MFAP3L: variants seen among roughly 807,000 people sequenced by gnomAD.
MFAP3L encodes the protein microfibrillar-associated protein 3-like.
A neutral mutation model predicts 20.0 loss-of-function variants in MFAP3L; 5 were observed. That is an observed-to-expected ratio of 0.25 (90% CI 0.13 to 0.53). The LOEUF (loss-of-function observed/expected upper bound fraction) is 0.53, where lower values mean the gene tolerates loss of function less well. Ranked by LOEUF, MFAP3L falls within the 20% of genes least tolerant of loss-of-function variation. MFAP3L has a pLI of 0.96. For synonymous variants in MFAP3L, 219 were observed against 213.0 expected (o/e 1.03, Z -0.25); for missense variants, 409 against 527.5 (o/e 0.78, Z 2.20).
At chr4:170,024,949 A>G (rs990157958) in intron 1 of MFAP3L, among the ~76,000 whole-genome samples, 1 of 152,264 alleles carries the variant, frequency 6.6e-6, no homozygotes, top group Non-Finnish European at 1.5e-5. Flanking sequence ...AATAAGCTTA[A>G]TGAATAAAAC....
At chr4:170,026,396 G>T, upstream of MFAP3L, 2 of 631,162 alleles carry the variant, frequency 3.2e-6, no homozygotes, top group Non-Finnish European at 3.9e-6. Context: ...GCCGCCGGCT[G>T]CCGGGAGCGC....
At chr4:169,996,538 C>A (rs1738181639) in intron 2 of MFAP3L, among the ~76,000 whole-genome samples, 1 of 151,922 alleles carries the variant, frequency 6.6e-6, no homozygotes, top group Non-Finnish European at 1.5e-5. Context: ...CAAGGGCTTC[C>A]TAGAGGAGGC....
intron 1 of MFAP3L, among the ~76,000 whole-genome samples, chr4:170,009,305 C>T (rs1739231215): frequency 6.6e-6 from 1 of 151,514 alleles, no homozygotes; most frequent in Non-Finnish European, 1.5e-5. Context: ...ATCACTTGAA[C>T]CCAGGAGGCG....
chr4:169,993,978 A>G (rs1262127149), intron 2 of MFAP3L, among the ~76,000 whole-genome samples: 2 of 152,134 alleles, frequency 1.3e-5, no homozygotes, highest in Admixed American at 6.5e-5. Flanking sequence ...ATAAATTTTG[A>G]TATTTCAGCT....
At chr4:169,997,548 CTA>C (rs1185642472) in intron 2 of MFAP3L, among the ~76,000 whole-genome samples, 3 of 152,164 alleles carry the variant, frequency 2.0e-5, no homozygotes, top group Non-Finnish European at 4.4e-5. Context: ...TGAATGGTGT[CTA>C]TGTGTAGAAA....
At position 169,991,457 on chromosome 4, in the gene MFAP3L, G is replaced by A. The variant is rs767944252; in HGVS notation, c.1151C>T (p.Pro384Leu). The A allele has an allele frequency of 4.6e-5, 74 of 1,613,950 alleles. 2 individuals are homozygous for A. The South Asian group carries it at 6.6e-4, about 14-fold the overall frequency. Residue 384 changes from proline (P) to leucine (L), a missense_variant, in exon 3 of 3, where the codon CCG becomes CTG. By Grantham distance (98) the Pro-to-Leu change is moderately conservative. Around this residue, in one of 3 missense-constraint regions of MFAP3L, gnomAD observed 169 missense variants for 178.2 expected, o/e 0.95. Coordinates refer to ENST00000361618, the MANE Select transcript of MFAP3L (RefSeq NM_021647.8). The surrounding 1 kb of genome is among the most constrained non-coding windows in gnomAD (Gnocchi z 4.9). ...CTCTGTGGCTTCCAGGTAAGCTGGC[G>A]GCAGTACCTTATCTGGTACCTCAAC... The part of the protein sequence containing the change: ...TPVEVPDKVL[P>L]PAYLEATEPA...
At chr4:170,002,236 G>C in intron 2 of MFAP3L, 1 of 985,358 alleles carries the variant, frequency 1.0e-6, no homozygotes, top group Non-Finnish European at 1.2e-6. Flanking sequence ...CCTAAAGGAT[G>C]ATGTGGTGGG....
At chr4:170,005,299 A>T in intron 2 of MFAP3L, 1 of 442,370 alleles carries the variant, frequency 2.3e-6, no homozygotes, top group Non-Finnish European at 4.0e-6. Context: ...TCCATTTTAC[A>T]TTTGTCTCTA....
intron 2 of MFAP3L, among the ~76,000 whole-genome samples, chr4:170,001,532 T>C (rs895599539): frequency 7.2e-5 from 11 of 152,204 alleles, no homozygotes; most frequent in African/African-American, 2.7e-4. Flanking sequence ...CTGACTTTCT[T>C]GAAATCCTCG....
chr4:170,011,880 G>A (rs1006016623), intron 1 of MFAP3L, among the ~76,000 whole-genome samples: 19 of 152,148 alleles, frequency 1.2e-4, no homozygotes, highest in African/African-American at 4.3e-4. Context: ...GTGGACCAGG[G>A]GAGAGAAGCT....
chr4:170,002,833 A>G (rs533845979), intron 2 of MFAP3L, among the ~76,000 whole-genome samples: 31 of 145,274 alleles, frequency 2.1e-4, no homozygotes, highest in Middle Eastern at 7.0e-3. Flanking sequence ...ATATTCAATC[A>G]CCTCTTTATT....
chr4:170,010,233 A>G (rs1371107391), intron 1 of MFAP3L, among the ~76,000 whole-genome samples: 1 of 152,196 alleles, frequency 6.6e-6, no homozygotes, highest in Non-Finnish European at 1.5e-5. Flanking sequence ...CCTTTCCCAT[A>G]TATCATAATG....
intron 1 of MFAP3L, among the ~76,000 whole-genome samples, chr4:170,015,999 T>C (rs77367960): frequency 0.011 from 1,647 of 152,276 alleles, 31 homozygotes; most frequent in African/African-American, 0.037. Flanking sequence ...GAGTCTACTA[T>C]GGCAATTTGG....
At chr4:170,024,360 C>CT (rs1355176312) in intron 1 of MFAP3L, among the ~76,000 whole-genome samples, 1 of 152,104 alleles carries the variant, frequency 6.6e-6, no homozygotes, top group African/African-American at 2.4e-5. Flanking sequence ...AAAAAGTAAA[C>CT]TGAGGCCTTG....
chr4:170,022,360 G>A (rs774338392), intron 1 of MFAP3L, among the ~76,000 whole-genome samples: 5 of 152,174 alleles, frequency 3.3e-5, no homozygotes, highest in South Asian at 4.2e-4. Context: ...ATCTGGCATC[G>A]GTCTGTTCCA....
At chr4:170,006,361 C>T (rs1739035603) in intron 1 of MFAP3L, among the ~76,000 whole-genome samples, 1 of 152,178 alleles carries the variant, frequency 6.6e-6, no homozygotes, top group African/African-American at 2.4e-5. Flanking sequence ...GATCCACCCA[C>T]CTCGGCCTCT....
chr4:170,023,568 C>T (rs534431583), intron 1 of MFAP3L, among the ~76,000 whole-genome samples: 1 of 152,238 alleles, frequency 6.6e-6, no homozygotes, highest in South Asian at 2.1e-4. Flanking sequence ...CATTTCTAAC[C>T]GCAATGTGAT....
chr4:170,010,381 A>G (rs972916609), intron 1 of MFAP3L, among the ~76,000 whole-genome samples: 7 of 152,152 alleles, frequency 4.6e-5, no homozygotes, highest in African/African-American at 1.7e-4. Flanking sequence ...AGTCTCTTGA[A>G]CAGCATGGGT....
chr4:169,998,138 G>A (rs1244644587), intron 2 of MFAP3L, among the ~76,000 whole-genome samples: 4 of 152,218 alleles, frequency 2.6e-5, no homozygotes, highest in South Asian at 2.1e-4. Context: ...GTTCCACACC[G>A]GGAAGGCAGC....
Sources: gnomAD v4.1 joint callset for allele counts (sites outside exome capture counted in the v4.1 genomes callset) on GRCh38, gnomAD v4.1.1 for gene constraint, gnomAD v4.1.1 regional missense constraint, Gnocchi (gnomAD v3.1) non-coding constraint, MANE v1.5 for transcripts, NCBI Gene and HGNC (gene_info 2026-07-23, HGNC 2026-07-21) for gene names.